The following ADAMTS18 variants were observed in gnomAD, a reference collection of about 807,000 sequenced individuals.
ADAMTS18 encodes ADAM metallopeptidase with thrombospondin type 1 motif 18.
In ADAMTS18, 157 loss-of-function variants were observed where a neutral mutation model predicts 165.9. That is an observed-to-expected ratio of 0.95 (90% CI 0.83 to 1.08). The LOEUF is 1.08. Ranked by LOEUF, ADAMTS18 falls within the 50% of genes least tolerant of loss-of-function variation. The pLI is 0.00. For synonymous variants in ADAMTS18, 782 were observed against 578.2 expected, an observed-to-expected ratio of 1.35 and a Z score of -5.06; for missense variants, 2,040 against 1,534.0, an observed-to-expected ratio of 1.33 and a Z score of -5.51.
intron 8 of ADAMTS18, among the ~76,000 whole-genome samples, chr16:77,357,790 A>C (rs1049604964): frequency 5.3e-5 from 8 of 152,210 alleles, no homozygotes; most frequent in Non-Finnish European, 8.8e-5. Flanking sequence ...TCTGTTTCAG[A>C]ACTTCTTAAG....
At chr16:77,428,070 G>A (rs1459423809) in intron 3 of ADAMTS18, among the ~76,000 whole-genome samples, 3 of 152,162 alleles carry the variant, frequency 2.0e-5, no homozygotes, top group Non-Finnish European at 2.9e-5. Context: ...TACACTGCAT[G>A]CACACTAGAA....
chr16:77,313,801 A>G (rs774430547), intron 16 of ADAMTS18, among the ~76,000 whole-genome samples: 16 of 152,180 alleles, frequency 1.1e-4, no homozygotes, highest in Non-Finnish European at 2.2e-4. Flanking sequence ...TCTAAAACTG[A>G]TACCTTCAAG....
Position 77,313,394 on chromosome 16 carries a change from G to A in ADAMTS18, c.2532+6455C>T, listed in dbSNP as rs1467608557. 5.3e-5 allele frequency among the ~76,000 whole-genome samples: 8 copies of A among 151,534 alleles called. No individual in the cohort carries two copies. The East Asian group carries it at 1.5e-3, about 29-fold the overall frequency. On this transcript the variant is annotated intron_variant, in intron 16 of 22. Transcript: ENST00000282849. ...ACCAACATGGCACATGTATACATATGTAACAAACCTGTACATTGTGCACAT... is the reference window on the plus strand; with the variant it reads ...ACCAACATGGCACATGTATACATATATAACAAACCTGTACATTGTGCACAT...
intron 10 of ADAMTS18, among the ~76,000 whole-genome samples, chr16:77,342,355 T>C (rs2144689443): frequency 6.6e-6 from 1 of 152,352 alleles, no homozygotes; most frequent in Admixed American, 6.5e-5. Context: ...CTGCCTATCA[T>C]TACTACCTTT....
chr16:77,314,533 A>T (rs1271537720), intron 16 of ADAMTS18, among the ~76,000 whole-genome samples: 1 of 149,406 alleles, frequency 6.7e-6, no homozygotes, highest in Non-Finnish European at 1.5e-5. Context: ...AATCGCTTGG[A>T]CCCAGTAGGC....
intron 16 of ADAMTS18, among the ~76,000 whole-genome samples, chr16:77,311,700 G>GGTT (rs141522765): frequency 0.41 from 38,058 of 92,398 alleles, 5,311 homozygotes; most frequent in East Asian, 0.65. Context: ...GATTACTGGA[G>GGTT]TTTTCTTTTT....
At chr16:77,425,198 A>T (rs989535743) in intron 3 of ADAMTS18, among the ~76,000 whole-genome samples, 1 of 152,210 alleles carries the variant, frequency 6.6e-6, no homozygotes, top group African/African-American at 2.4e-5. Flanking sequence ...ACAAAGATAC[A>T]ATGGGGACAT....
chr16:77,434,081 G>T (rs1391586089), intron 2 of ADAMTS18, among the ~76,000 whole-genome samples: 1 of 152,162 alleles, frequency 6.6e-6, no homozygotes, highest in Non-Finnish European at 1.5e-5. Flanking sequence ...CAAGAGTTAG[G>T]AGAGGGAGGA....
In ADAMTS18 at chr16:77,282,443, G is replaced by A. The variant is rs990722799; in HGVS notation, c.*1513C>T. On this transcript the variant is annotated 3_prime_UTR_variant, in exon 23 of 23. Coordinates refer to ENST00000282849, the MANE Select transcript of ADAMTS18 (RefSeq NM_199355.4). ...CTAGGCCAAGCCAAGCAGATTGAGA[G>A]AAGTTCCTAAGCATTATTTCTCTGG... is the stretch of plus-strand genomic sequence containing the variant. The A allele has an allele frequency of 6.6e-6, 1 of 152,226 alleles. No homozygotes were observed. Among genetic ancestry groups the A allele is most frequent in the South Asian group, 2.1e-4 (1 of 4,824 alleles). The allele number at this position is 152,226 out of a possible 1,614,324, so 9.4% of individuals were successfully genotyped here.
At chr16:77,290,177 G>A (rs575585105) in intron 21 of ADAMTS18, among the ~76,000 whole-genome samples, 1 of 152,154 alleles carries the variant, frequency 6.6e-6, no homozygotes, top group South Asian at 2.1e-4. Context: ...ATCTAAACTA[G>A]GAGTTTGTAA....
At position 77,322,451 on chromosome 16, in the gene ADAMTS18, T is replaced by C. The variant is rs1486353862; in HGVS notation, c.2048A>G (p.Lys683Arg). The part of the protein sequence containing the change: ...YTKVEEEDRC[K>R]LYCKAENFEF... ...AAAGTTCTCAGCCTTGCAGTACAGTTTGCATCGATCTTCCTCTAGAAACAA... is the reference window on the plus strand; with the variant it reads ...AAAGTTCTCAGCCTTGCAGTACAGTCTGCATCGATCTTCCTCTAGAAACAA... Residue 683 changes from lysine to arginine, a missense_variant, in exon 14 of 23, where the codon AAA becomes AGA. Lys to Arg is a conservative substitution (Grantham distance 26). Transcript: ENST00000282849. The C allele has an allele frequency of 4.3e-6, 7 of 1,613,916 alleles. No individual in the cohort carries two copies. Among genetic ancestry groups the C allele is most frequent in the Non-Finnish European group, 5.9e-6 (7 of 1,179,982 alleles).
At chr16:77,408,700 G>A (rs769821126) in intron 3 of ADAMTS18, among the ~76,000 whole-genome samples, 2 of 152,164 alleles carry the variant, frequency 1.3e-5, no homozygotes, top group Non-Finnish European at 2.9e-5. Flanking sequence ...TCTGTGGAGT[G>A]AGACAATTTG....
chr16:77,417,305 G>C (rs2057543198), intron 3 of ADAMTS18, among the ~76,000 whole-genome samples: 1 of 152,070 alleles, frequency 6.6e-6, no homozygotes, highest in African/African-American at 2.4e-5. Context: ...TGTGTGGGTG[G>C]ATGGATGGGA....
At chr16:77,332,768 AGTGCCCACAG>A (rs2056211220) in intron 12 of ADAMTS18, among the ~76,000 whole-genome samples, 1 of 152,310 alleles carries the variant, frequency 6.6e-6, no homozygotes, top group African/African-American at 2.4e-5. Flanking sequence ...CAGACCAAAG[AGTGCCCACAG>A]GTGACCACAG....
intron 9 of ADAMTS18, among the ~76,000 whole-genome samples, chr16:77,354,764 C>T (rs1037844248): frequency 6.6e-6 from 1 of 152,190 alleles, no homozygotes; most frequent in Non-Finnish European, 1.5e-5. Flanking sequence ...TTAGCTGCTG[C>T]TGTTATCATT....
At chr16:77,381,542 G>A (rs1433089170) in intron 3 of ADAMTS18, among the ~76,000 whole-genome samples, 2 of 152,116 alleles carry the variant, frequency 1.3e-5, no homozygotes, top group Non-Finnish European at 2.9e-5. Flanking sequence ...GGTGGCTCAC[G>A]CCTGTAATCC....
At chr16:77,433,169 TCTC>T (rs1030140634) in intron 2 of ADAMTS18, among the ~76,000 whole-genome samples, 4 of 152,196 alleles carry the variant, frequency 2.6e-5, no homozygotes, top group African/African-American at 9.6e-5. Context: ...AAGTCTACCT[TCTC>T]CTTCTGTCAA....
At chr16:77,324,332 A>G (rs2056056554) in intron 13 of ADAMTS18, among the ~76,000 whole-genome samples, 1 of 152,256 alleles carries the variant, frequency 6.6e-6, no homozygotes, top group Non-Finnish European at 1.5e-5. Flanking sequence ...GCTTCCTACG[A>G]AATCACTCAG....
At chr16:77,418,494 A>C (rs2057558781) in intron 3 of ADAMTS18, among the ~76,000 whole-genome samples, 1 of 152,138 alleles carries the variant, frequency 6.6e-6, no homozygotes. Flanking sequence ...AACCTCCTAC[A>C]ATGCACAGAC....
Sources: gnomAD v4.1 joint callset for allele counts (sites outside exome capture counted in the v4.1 genomes callset) on GRCh38, gnomAD v4.1.1 for gene constraint, MANE v1.5 for transcripts, NCBI Gene and HGNC (gene_info 2026-07-23, HGNC 2026-07-21) for gene names.